The following TRAPPC11 variants were observed in gnomAD, a reference collection of about 807,000 sequenced individuals.
The protein encoded by TRAPPC11 is foie gras homolog.
In TRAPPC11, 104 loss-of-function variants were observed where a neutral mutation model predicts 151.2. That is an observed-to-expected ratio of 0.69 (90% CI 0.59 to 0.81). The LOEUF is 0.81. Among genes scored for constraint, TRAPPC11 ranks in the 30% least tolerant of loss-of-function variants. The probability of loss-of-function intolerance (pLI) is 0.00; values close to 1 mark genes in which losing one functional copy is unlikely to be tolerated. For synonymous variants in TRAPPC11, 456 were observed against 472.3 expected (o/e 0.97, Z 0.45); for missense variants, 1,230 against 1,349.6 (o/e 0.91, Z 1.39).
chr4:183,709,343 C>G (rs1313311096), intron 29 of TRAPPC11, among the ~76,000 whole-genome samples: 1 of 152,030 alleles, frequency 6.6e-6, no homozygotes, highest in Non-Finnish European at 1.5e-5. Context: ...TTATATAATC[C>G]AGGATTTGGT....
At chr4:183,677,392 A>G (rs1735465943) in intron 7 of TRAPPC11, 66 bp from the exon 8 acceptor site, 1 of 885,452 alleles carries the variant, frequency 1.1e-6, no homozygotes, top group African/African-American at 1.7e-5. Context: ...TGTTATTTCT[A>G]GTGATTTGGT....
intron 5 of TRAPPC11, among the ~76,000 whole-genome samples, chr4:183,668,535 A>G (rs894880343): frequency 6.7e-6 from 1 of 150,170 alleles, no homozygotes; most frequent in African/African-American, 2.4e-5. Flanking sequence ...TCTCCATTAT[A>G]CTTTCCAGTA....
At chr4:183,706,474 G>A (rs536831230) in intron 27 of TRAPPC11, among the ~76,000 whole-genome samples, 56 of 150,026 alleles carry the variant, frequency 3.7e-4, no homozygotes, top group Non-Finnish European at 6.5e-4. Flanking sequence ...AGTGAGCCGA[G>A]ATAGCACCAC....
At position 183,663,894 on chromosome 4, in the gene TRAPPC11, T is replaced by C; in HGVS notation, c.27T>C (p.Pro9=). Residue 9 remains proline (P), a synonymous_variant, in exon 2 of 30, where the codon CCT becomes CCC. Transcript: ENST00000334690. MSPTQWDF[P]VELCCRPMAF... Reference sequence around the variant, plus strand: ...TGAGCCCCACACAGTGGGACTTCCCTGTGGAATTATGTTGCCGGCCTATGG... The same window carrying C: ...TGAGCCCCACACAGTGGGACTTCCCCGTGGAATTATGTTGCCGGCCTATGG... 6.2e-7 allele frequency: 1 copy of C among 1,614,200 alleles called. No individual in the cohort carries two copies. The highest frequency in any genetic ancestry group is 8.5e-7 in the Non-Finnish European group (1 of 1,180,042).
intron 8 of TRAPPC11, 125 bp downstream of exon 8, chr4:183,677,679 C>T (rs1735481688): frequency 3.3e-6 from 2 of 615,348 alleles, no homozygotes; most frequent in East Asian, 2.8e-5. Flanking sequence ...ATGATCTCCC[C>T]TTTTATATCC....
In TRAPPC11 at chr4:183,713,444, A is replaced by G. The variant is rs1231367603; in HGVS notation, c.*800A>G. ...ATTTAAAACTCTTGAAAACTCATGTAAATAAAAATCATAGGGTGAAAATTG... is the reference window on the plus strand; with the variant it reads ...ATTTAAAACTCTTGAAAACTCATGTGAATAAAAATCATAGGGTGAAAATTG... On this transcript the variant is annotated 3_prime_UTR_variant, in exon 30 of 30. Transcript: ENST00000334690. The G allele has an allele frequency of 6.5e-6, 1 of 152,672 alleles. No homozygotes were observed. Among genetic ancestry groups the G allele is most frequent in the African/African-American group, 2.4e-5 (1 of 41,466 alleles). 9.5% of individuals were successfully genotyped at this position (152,672 alleles called of 1,614,324 possible). A position where few individuals can be genotyped will look rare whatever the true frequency, so the allele number is the denominator to read the frequency against.
At chr4:183,697,348 G>A (rs796682712) in intron 23 of TRAPPC11, among the ~76,000 whole-genome samples, 155 bp from the exon 24 acceptor site, 4 of 151,784 alleles carry the variant, frequency 2.6e-5, no homozygotes, top group South Asian at 2.1e-4. Flanking sequence ...CAGTTCTCTC[G>A]ACACAGATTT....
chr4:183,684,284 A>G, intron 13 of TRAPPC11, 21 bp from the exon 14 acceptor site: 2 of 1,612,856 alleles, frequency 1.2e-6, no homozygotes, highest in Admixed American at 3.3e-5. Context: ...TTACATACAT[A>G]AATCTTTTTT....
In TRAPPC11 at chr4:183,684,148, A is replaced by G. The variant is rs1291583338; in HGVS notation, c.1291A>G (p.Ile431Val). ...LKERNVVHSEIIITLLSNAVA... is the reference protein window; with the variant it reads ...LKERNVVHSEVIITLLSNAVA... Reference sequence around the variant, plus strand: ...CACACTCTACTTTTTCTAATAGGAGATAATCATAACTCTTCTGAGCAATGC... The same window carrying G: ...CACACTCTACTTTTTCTAATAGGAGGTAATCATAACTCTTCTGAGCAATGC... The change falls in exon 13 of 30, where the codon ATA becomes GTA. Residue 431 changes from isoleucine (I) to valine (V), a missense_variant. Coordinates refer to ENST00000334690, the MANE Select transcript of TRAPPC11 (RefSeq NM_021942.6). 2 of 1,613,486 alleles carry G rather than the reference A, an allele frequency of 1.2e-6. No homozygotes were observed. The highest frequency in any genetic ancestry group is 8.5e-7 in the Non-Finnish European group (1 of 1,179,546).
intron 1 of TRAPPC11, among the ~76,000 whole-genome samples, chr4:183,659,733 G>A (rs920783182): frequency 5.3e-5 from 8 of 152,266 alleles, no homozygotes; most frequent in Non-Finnish European, 1.0e-4. Context: ...CATGGGGACG[G>A]TGTTTCTCCT....
intron 1 of TRAPPC11, among the ~76,000 whole-genome samples, chr4:183,661,023 T>C (rs1170910591): frequency 6.6e-6 from 1 of 152,048 alleles, no homozygotes; most frequent in Non-Finnish European, 1.5e-5. Context: ...GGTCACCCCT[T>C]TTTAATTTTC....
At chr4:183,661,757 C>CT (rs562308106) in intron 1 of TRAPPC11, among the ~76,000 whole-genome samples, 7,213 of 100,100 alleles carry the variant, frequency 0.072, 535 homozygotes, top group East Asian at 0.27. Context: ...TTTGGAATAA[C>CT]TTTTTTTTTT....
rs910315176 is a variant in TRAPPC11, at chr4:183,693,203, T to C, written c.2237+56T>C. 12 of 1,375,322 alleles carry C rather than the reference T, an allele frequency of 8.7e-6. No homozygotes were observed. In the Admixed American group the frequency reaches 2.9e-4, roughly 34 times the overall value. 85.2% of individuals were successfully genotyped at this position (1,375,322 alleles called of 1,614,324 possible). ...GGTCATCCTCTTATTTCTTTTGCTA[T>C]TTTTTTTGGAGACAGAGTCTCTCTC... On this transcript the variant is annotated intron_variant, in intron 20 of 29. Coordinates refer to ENST00000334690, the MANE Select transcript of TRAPPC11 (RefSeq NM_021942.6).
chr4:183,708,176 C>G (rs192443822), intron 28 of TRAPPC11, among the ~76,000 whole-genome samples: 7 of 152,232 alleles, frequency 4.6e-5, no homozygotes, highest in African/African-American at 1.7e-4. Flanking sequence ...TGGTAGAAAC[C>G]GAGAAATCTT....
Position 183,663,743 on chromosome 4 carries a change from T to TG in TRAPPC11, c.-21-104_-21-103insG. On this transcript the variant is annotated intron_variant, in intron 1 of 29. Transcript: ENST00000334690. ...TGGAAATGAATATGAGTTGTTTTTTTTTTTTTTTTTTTGAGACAGAGTTTT... is the reference window on the plus strand; with the variant it reads ...TGGAAATGAATATGAGTTGTTTTTTTGTTTTTTTTTTTTGAGACAGAGTTTT... The TG allele has an allele frequency of 1.2e-5, 6 of 510,826 alleles. No individual in the cohort carries two copies. The South Asian group carries it at 1.2e-4, about 10-fold the overall frequency. 31.6% of individuals were successfully genotyped at this position (510,826 alleles called of 1,614,324 possible).
Position 183,675,140 on chromosome 4 carries a change from A to T in TRAPPC11, c.661-24A>T, listed in dbSNP as rs748003487. Reference sequence around the variant, plus strand: ...ACATTTTAAATAGAATATGTATAATAGTAATTTTTTTGTCTCTTTTTAGCT... The same window carrying T: ...ACATTTTAAATAGAATATGTATAATTGTAATTTTTTTGTCTCTTTTTAGCT... On this transcript the variant is annotated intron_variant, in intron 6 of 29. Transcript: ENST00000334690. 1.7e-5 allele frequency: 22 copies of T among 1,275,752 alleles called. 1 individual carries two copies. In the South Asian group the frequency reaches 3.5e-4, roughly 20 times the overall value. The allele number at this position is 1,275,752 out of a possible 1,614,324, so 79.0% of individuals were successfully genotyped here.
rs372128051 is a variant in TRAPPC11 at position 183,708,231 on chromosome 4, A to T, written c.3190-176A>T. Among the ~76,000 whole-genome samples, 4 of 152,164 alleles carry T rather than the reference A, an allele frequency of 2.6e-5. No homozygotes were observed. The East Asian group carries it at 7.7e-4, about 29-fold the overall frequency. The stretch of plus-strand genomic sequence containing the variant: ...TTCCTGTCTGCCATGTCCTAAACTC[A>T]TACTAATTCAGCCCTACACTTTGGA... On this transcript the variant is annotated intron_variant, in intron 28 of 29. Coordinates refer to ENST00000334690, the MANE Select transcript of TRAPPC11 (RefSeq NM_021942.6).
chr4:183,708,295 C>T (rs1362448521), intron 28 of TRAPPC11, 112 bp from the exon 29 acceptor site: 1 of 1,120,958 alleles, frequency 8.9e-7, no homozygotes, highest in East Asian at 2.5e-5. Context: ...GTGAATATTT[C>T]AGTAGAAGGA....
In TRAPPC11 at chr4:183,712,773, C is replaced by T. The variant is rs1242488061; in HGVS notation, c.*129C>T. On this transcript the variant is annotated 3_prime_UTR_variant, in exon 30 of 30. Coordinates refer to ENST00000334690, the MANE Select transcript of TRAPPC11 (RefSeq NM_021942.6). ...TTCTATTTTTTAATGGATGTTATAC[C>T]AACTATTCAGAGGAACTCATACTTC... The T allele has an allele frequency of 2.4e-6, 2 of 831,528 alleles. No individual in the cohort carries two copies. Among genetic ancestry groups the T allele is most frequent in the Non-Finnish European group, 3.9e-6 (2 of 516,506 alleles). 51.5% of individuals were successfully genotyped at this position (831,528 alleles called of 1,614,324 possible).
Sources: allele counts gnomAD v4.1 joint callset (sites outside exome capture counted in the v4.1 genomes callset), GRCh38; gene constraint gnomAD v4.1.1; transcripts MANE v1.5; gene names NCBI Gene and HGNC (gene_info 2026-07-23, HGNC 2026-07-21).